Variants in PRDM16 observed in about 807,000 individuals in gnomAD.
The protein encoded by PRDM16 is histone-lysine N-methyltransferase PRDM16.
PRDM16 carries 23 observed loss-of-function variants against 110.6 expected under a neutral mutation model. The ratio of observed to expected loss-of-function variants is 0.21; its 90% CI spans 0.15 to 0.29. The LOEUF is 0.29. PRDM16 is among the 10% of genes least tolerant of loss of function. The pLI, the probability that PRDM16 is intolerant of heterozygous loss-of-function variation, is 1.00. For missense variants in PRDM16, 1,615 were observed against 1,794.3 expected (o/e 0.90, Z 1.81); for synonymous variants, 799 against 781.8 (o/e 1.02, Z -0.37).
At chr1:3,332,685 C>T (rs1053284337) in intron 3 of PRDM16, among the ~76,000 whole-genome samples, 1 of 152,124 alleles carries the variant, frequency 6.6e-6, no homozygotes, top group Non-Finnish European at 1.5e-5. Context: ...TTCCGAGAGG[C>T]TTTCACCACC....
Position 3,280,333 on chromosome 1 carries a change from CAG to C in PRDM16, c.438+36197_438+36198del, listed in dbSNP as rs1187198785. Among the ~76,000 whole-genome samples, 9 of 152,338 alleles carry C rather than the reference CAG, an allele frequency of 5.9e-5. No homozygotes were observed. The South Asian group carries it at 1.2e-3, about 21-fold the overall frequency. ...CATGCTTGCAGCCCAGTGGCTGTCT[CAG>C]GGGACATGTCTTCAAGTGTGTGGCT... On this transcript the variant is annotated intron_variant, in intron 3 of 16. Coordinates refer to ENST00000270722, the MANE Select transcript of PRDM16 (RefSeq NM_022114.4).
chr1:3,181,899 CGGTCTTACACACGCAGTCTTACACAT>C (rs1644212661), intron 1 of PRDM16, among the ~76,000 whole-genome samples: 1 of 84,206 alleles, frequency 1.2e-5, no homozygotes, highest in African/African-American at 3.7e-5. Context: ...GTCTTACACA[CGGTCTTACACACGCAGTCTTACACAT>C]GGTCTTACAC....
intron 1 of PRDM16, among the ~76,000 whole-genome samples, chr1:3,139,702 C>T (rs1270365553): frequency 2.6e-5 from 4 of 152,206 alleles, no homozygotes; most frequent in Non-Finnish European, 5.9e-5. Flanking sequence ...AGAGCTGTGG[C>T]CTGCTGGCCA....
chr1:3,204,107 G>T (rs966680722), intron 2 of PRDM16, among the ~76,000 whole-genome samples: 2 of 152,192 alleles, frequency 1.3e-5, no homozygotes. Flanking sequence ...GCCAACCCAC[G>T]TCTTAACAGT....
intron 2 of PRDM16, among the ~76,000 whole-genome samples, chr1:3,212,195 C>A (rs535879880): frequency 4.6e-5 from 7 of 152,158 alleles, no homozygotes; most frequent in African/African-American, 1.4e-4. Flanking sequence ...GGGGCCAGTG[C>A]GCACAAAGCC....
Position 3,265,015 on chromosome 1 carries a change from G to A in PRDM16, c.438+20878G>A, listed in dbSNP as rs1289109621. 6.6e-6 allele frequency among the ~76,000 whole-genome samples: 1 copy of A among 151,840 alleles called. No homozygotes were observed. The highest frequency in any genetic ancestry group is 2.4e-5 in the African/African-American group (1 of 41,310). ...CAAGCAGACAGATGCAGATTTCTGA[G>A]CACAGAGAAACCTGAGCTGAGCCAC... On this transcript the variant is annotated intron_variant, in intron 3 of 16. Coordinates refer to ENST00000270722, the MANE Select transcript of PRDM16 (RefSeq NM_022114.4). This position sits in a 1 kb window ranked among gnomAD's most constrained non-coding sequence, Gnocchi z 4.5.
At chr1:3,361,274 C>T (rs1196588744) in intron 3 of PRDM16, among the ~76,000 whole-genome samples, 2 of 152,150 alleles carry the variant, frequency 1.3e-5, no homozygotes, top group Non-Finnish European at 2.9e-5. Flanking sequence ...TTCAGCTGCA[C>T]GCCAGCCCCC....
chr1:3,287,356 TGGAGCCGCCCC>T (rs2100345746), intron 3 of PRDM16, among the ~76,000 whole-genome samples: 1 of 103,764 alleles, frequency 9.6e-6, no homozygotes, highest in Non-Finnish European at 2.0e-5. Flanking sequence ...TTACCGGGGC[TGGAGCCGCCCC>T]GCCACGCGGG....
At chr1:3,352,359 T>C (rs960346496) in intron 3 of PRDM16, among the ~76,000 whole-genome samples, 2 of 152,168 alleles carry the variant, frequency 1.3e-5, no homozygotes, top group African/African-American at 4.8e-5. Context: ...CTGCAGCTTT[T>C]AATTGTTTTT....
chr1:3,116,039 G>C (rs1642950940), intron 1 of PRDM16, among the ~76,000 whole-genome samples: 1 of 152,226 alleles, frequency 6.6e-6, no homozygotes, highest in African/African-American at 2.4e-5. Context: ...TCGATGGCAG[G>C]TGCTAAACGC....
At chr1:3,127,758 G>A (rs1226386408) in intron 1 of PRDM16, among the ~76,000 whole-genome samples, 5 of 152,252 alleles carry the variant, frequency 3.3e-5, no homozygotes, top group Non-Finnish European at 7.3e-5. Flanking sequence ...GTTTGCCTAG[G>A]GTGAGTGTGA....
rs574992606 is a variant in PRDM16 at position 3,358,292 on chromosome 1, C to T, written c.439-26860C>T. ...GGACCCAGCCTGCCTGCTGGGGAAC[C>T]GTAGTTACGCAGGTCCTGAACTGGG... On this transcript the variant is annotated intron_variant, in intron 3 of 16. Coordinates refer to ENST00000270722, the MANE Select transcript of PRDM16 (RefSeq NM_022114.4). The surrounding 1 kb of genome is among the most constrained non-coding windows in gnomAD (Gnocchi z 4.0). 5.3e-5 allele frequency among the ~76,000 whole-genome samples: 8 copies of T among 152,352 alleles called. No individual in the cohort carries two copies. The highest frequency in any genetic ancestry group is 3.4e-3 in the Middle Eastern group (1 of 294).
At chr1:3,392,924 T>C (rs1643321411) in intron 4 of PRDM16, among the ~76,000 whole-genome samples, 1 of 152,242 alleles carries the variant, frequency 6.6e-6, no homozygotes, top group African/African-American at 2.4e-5. Context: ...GGCAGGGTCA[T>C]GCTAAATACA....
chr1:3,235,125 C>A (rs749147873), intron 2 of PRDM16, among the ~76,000 whole-genome samples: 7 of 152,244 alleles, frequency 4.6e-5, no homozygotes, highest in Non-Finnish European at 1.0e-4. Flanking sequence ...CCCTACCGAG[C>A]CCTGCCTGCA....
At chr1:3,305,397 C>G (rs1641290816) in intron 3 of PRDM16, among the ~76,000 whole-genome samples, 1 of 152,216 alleles carries the variant, frequency 6.6e-6, no homozygotes, top group South Asian at 2.1e-4. Context: ...CCCCGCCTCG[C>G]TGTGCTGCCT....
At chr1:3,400,524 T>G (rs1643449522) in intron 5 of PRDM16, among the ~76,000 whole-genome samples, 1 of 152,180 alleles carries the variant, frequency 6.6e-6, no homozygotes, top group South Asian at 2.1e-4. Context: ...TGGCAGCTCC[T>G]AGGTGGGTTT....
At position 3,320,053 on chromosome 1, in the gene PRDM16, A is replaced by G. The variant is rs187381531; in HGVS notation, c.439-65099A>G. 4.7e-3 allele frequency among the ~76,000 whole-genome samples: 714 copies of G among 152,262 alleles called. 6 individuals carry two copies. Among genetic ancestry groups the G allele is most frequent in the African/African-American group, 0.016 (672 of 41,544 alleles). On this transcript the variant is annotated intron_variant, in intron 3 of 16. Coordinates refer to ENST00000270722, the MANE Select transcript of PRDM16 (RefSeq NM_022114.4). The stretch of plus-strand genomic sequence containing the variant: ...GTGCCTGGGCCTGGTGGCCACACCT[A>G]CCAGGTGTGGCCTCTTGAAGAGACT...
rs543698165 is a variant in PRDM16, at chr1:3,290,004, C to T, written c.438+45867C>T. Among the ~76,000 whole-genome samples the T allele has an allele frequency of 8.6e-5, 13 of 151,550 alleles. No homozygotes were observed. Among genetic ancestry groups the T allele is most frequent in the Non-Finnish European group, 1.3e-4 (9 of 68,004 alleles). On this transcript the variant is annotated intron_variant, in intron 3 of 16. Coordinates refer to ENST00000270722, the MANE Select transcript of PRDM16 (RefSeq NM_022114.4). The surrounding 1 kb of genome is among the most constrained non-coding windows in gnomAD (Gnocchi z 4.8). ...CCACCCCAGGCGCCAGGACCCCACT[C>T]CTGCCTGGGGCTGCCCCTGCTGCTG... is the stretch of plus-strand genomic sequence containing the variant.
rs761749155 is a variant in PRDM16, at chr1:3,194,569, TGTCTCCCCACCACACGCCACC to T, written c.387+8146_387+8166del. On this transcript the variant is annotated intron_variant, in intron 2 of 16. Coordinates refer to ENST00000270722, the MANE Select transcript of PRDM16 (RefSeq NM_022114.4). The stretch of plus-strand genomic sequence containing the variant: ...GCTGGACTCTGCGGCAACTGGCCAC[TGTCTCCCCACCACACGCCACC>T]GTCTCCCCACCACACGCCACCGTCT... 5.2e-3 allele frequency among the ~76,000 whole-genome samples: 740 copies of T among 142,358 alleles called. 6 individuals carry two copies. Among genetic ancestry groups the T allele is most frequent in the African/African-American group, 9.1e-3 (323 of 35,476 alleles). The allele number at this position is 142,358 out of a possible 152,430, so 93.4% of individuals were successfully genotyped here.
Sources: gnomAD v4.1 joint callset for allele counts (sites outside exome capture counted in the v4.1 genomes callset) on GRCh38, gnomAD v4.1.1 for gene constraint, Gnocchi (gnomAD v3.1) non-coding constraint, MANE v1.5 for transcripts, NCBI Gene and HGNC (gene_info 2026-07-23, HGNC 2026-07-21) for gene names.